PTPRD: variants seen among roughly 807,000 people sequenced by gnomAD.
The protein encoded by PTPRD is receptor-type tyrosine-protein phosphatase delta.
In PTPRD, 34 loss-of-function variants were observed where a neutral mutation model predicts 214.5. The ratio of observed to expected loss-of-function variants is 0.16; its 90% CI spans 0.12 to 0.21. PTPRD has a LOEUF of 0.21. Among genes scored for constraint, PTPRD ranks in the 10% least tolerant of loss-of-function variants. The pLI, the probability that PTPRD is intolerant of heterozygous loss-of-function variation, is 1.00. For synonymous variants in PTPRD, 1,128 were observed against 845.7 expected, an observed-to-expected ratio of 1.33 and a Z score of -5.79; for missense variants, 2,545 against 2,398.7, an observed-to-expected ratio of 1.06 and a Z score of -1.27.
Position 10,396,577 on chromosome 9 carries a change from A to G in PTPRD, c.-599-55560T>C, listed in dbSNP as rs538617255. Among the ~76,000 whole-genome samples, 60 of 152,162 alleles carry G rather than the reference A, an allele frequency of 3.9e-4. 2 individuals are homozygous for G. The highest frequency in any genetic ancestry group is 3.1e-3 in the Admixed American group (48 of 15,254). On this transcript the variant is annotated intron_variant, in intron 2 of 45. Transcript: ENST00000381196. ...TCTGCCAGATTCTGGGAAGAGAATT[A>G]GAGAGACAGTGTAACTGAAATCAAT...
At chr9:9,564,305 T>C (rs2083749848) in intron 8 of PTPRD, among the ~76,000 whole-genome samples, 1 of 152,102 alleles carries the variant, frequency 6.6e-6, no homozygotes, top group African/African-American at 2.4e-5. Flanking sequence ...GCCCAAGTTC[T>C]TGAAGTACTC....
At chr9:9,598,696 T>C (rs1000757591) in intron 7 of PTPRD, among the ~76,000 whole-genome samples, 1 of 152,102 alleles carries the variant, frequency 6.6e-6, no homozygotes, top group Non-Finnish European at 1.5e-5. Flanking sequence ...CAGTATTAAA[T>C]GTTTATTTCT....
At chr9:10,295,448 G>C (rs1032327371) in intron 3 of PTPRD, among the ~76,000 whole-genome samples, 2 of 152,018 alleles carry the variant, frequency 1.3e-5, no homozygotes, top group Non-Finnish European at 2.9e-5. Flanking sequence ...TCAAGTATTT[G>C]TGATAAGCCA....
intron 2 of PTPRD, among the ~76,000 whole-genome samples, chr9:10,439,950 G>T (rs112310303): frequency 0.016 from 2,391 of 151,230 alleles, 50 homozygotes; most frequent in African/African-American, 0.053. Context: ...GTGTTGTTAC[G>T]GTTTTGTAAT....
At chr9:10,457,480 T>G (rs574935700) in intron 2 of PTPRD, among the ~76,000 whole-genome samples, 1 of 152,170 alleles carries the variant, frequency 6.6e-6, no homozygotes, top group South Asian at 2.1e-4. Context: ...GTATTAGTAG[T>G]GTAGCATTCC....
At chr9:10,169,454 A>C (rs1233976728) in intron 3 of PTPRD, among the ~76,000 whole-genome samples, 1 of 143,058 alleles carries the variant, frequency 7.0e-6, no homozygotes, top group Non-Finnish European at 1.5e-5. Context: ...AGCCTGGGCG[A>C]AAGAGCGAGA....
At chr9:10,609,587 T>C (rs1207669535) in intron 2 of PTPRD, among the ~76,000 whole-genome samples, 2 of 152,084 alleles carry the variant, frequency 1.3e-5, no homozygotes, top group South Asian at 2.1e-4. Context: ...TCCAGCATTA[T>C]TAAAGAAAAA....
intron 3 of PTPRD, among the ~76,000 whole-genome samples, chr9:10,166,091 A>G (rs1042546000): frequency 2.0e-5 from 3 of 150,166 alleles, no homozygotes; most frequent in African/African-American, 7.3e-5. Flanking sequence ...AAATACATAA[A>G]CCTGTGTATT....
chr9:9,194,830 T>C (rs1483899775), intron 9 of PTPRD, among the ~76,000 whole-genome samples: 1 of 152,070 alleles, frequency 6.6e-6, no homozygotes, highest in Non-Finnish European at 1.5e-5. Flanking sequence ...AACAAAATGC[T>C]TCTCTGAGCA....
At chr9:10,432,714 A>T (rs1015668987) in intron 2 of PTPRD, among the ~76,000 whole-genome samples, 1 of 152,000 alleles carries the variant, frequency 6.6e-6, no homozygotes, top group African/African-American at 2.4e-5. Flanking sequence ...ACAACGTTAA[A>T]TGTTTTATAA....
chr9:8,567,645 C>CTAGA, intron 14 of PTPRD, among the ~76,000 whole-genome samples: 1 of 152,148 alleles, frequency 6.6e-6, no homozygotes, highest in South Asian at 2.1e-4. Context: ...ATCTCCTATT[C>CTAGA]TAGACTGTGT....
chr9:8,561,318 G>A (rs1236843941), intron 14 of PTPRD, among the ~76,000 whole-genome samples: 3 of 152,048 alleles, frequency 2.0e-5, no homozygotes, highest in Admixed American at 6.6e-5. Context: ...AAAACCACCC[G>A]ACTGAAGGGG....
At position 8,721,323 on chromosome 9, in the gene PTPRD, G is replaced by A. The variant is rs192001293; in HGVS notation, c.64+12457C>T. ...CACATGCCTGTAATCCTAGCTACTCGAGAGGCTGAGGCACAAGAATCGCTT... is the reference window on the plus strand; with the variant it reads ...CACATGCCTGTAATCCTAGCTACTCAAGAGGCTGAGGCACAAGAATCGCTT... On this transcript the variant is annotated intron_variant, in intron 12 of 45. Transcript: ENST00000381196. Among the ~76,000 whole-genome samples the A allele has an allele frequency of 4.8e-3, 722 of 150,822 alleles. 5 individuals are homozygous for A. Among genetic ancestry groups the A allele is most frequent in the Non-Finnish European group, 7.6e-3 (515 of 67,834 alleles).
At chr9:10,289,967 G>C (rs941557537) in intron 3 of PTPRD, among the ~76,000 whole-genome samples, 1 of 152,062 alleles carries the variant, frequency 6.6e-6, no homozygotes, top group South Asian at 2.1e-4. Flanking sequence ...ATATTCATTT[G>C]TTTCAGTGAA....
rs985060999 is a variant in PTPRD at position 8,656,929 on chromosome 9, A to C, written c.65-20085T>G. Among the ~76,000 whole-genome samples, 3 of 152,324 alleles carry C rather than the reference A, an allele frequency of 2.0e-5. No individual in the cohort carries two copies. In the South Asian group the frequency reaches 6.2e-4, roughly 32 times the overall value. On this transcript the variant is annotated intron_variant, in intron 12 of 45. Coordinates refer to ENST00000381196, the MANE Select transcript of PTPRD (RefSeq NM_002839.4). ...ACACCCTGAAATCACATAGCTTTAC[A>C]TCACAGAAATTATCACATTACCAAT...
At chr9:9,404,289 G>A (rs1569568037) in intron 8 of PTPRD, among the ~76,000 whole-genome samples, 2 of 152,088 alleles carry the variant, frequency 1.3e-5, no homozygotes, top group African/African-American at 4.8e-5. Context: ...GAAAGCCAAG[G>A]AAGGAGCAAA....
chr9:8,471,701 G>T (rs2096656887), intron 30 of PTPRD, among the ~76,000 whole-genome samples: 1 of 151,790 alleles, frequency 6.6e-6, no homozygotes, highest in African/African-American at 2.4e-5. Flanking sequence ...ACGACTTAAG[G>T]GCCTTCAAAA....
At chr9:10,017,120 A>G (rs1373915437) in intron 4 of PTPRD, among the ~76,000 whole-genome samples, 3 of 152,202 alleles carry the variant, frequency 2.0e-5, no homozygotes, top group Non-Finnish European at 4.4e-5. Flanking sequence ...AATCATACAC[A>G]TGTTTACTAA....
At chr9:9,452,236 C>T (rs1160081739) in intron 8 of PTPRD, among the ~76,000 whole-genome samples, 2 of 151,340 alleles carry the variant, frequency 1.3e-5, no homozygotes, top group African/African-American at 2.4e-5. Context: ...AAAATGGAAA[C>T]CAATTGACAA....
Sources: gnomAD v4.1 joint callset for allele counts (sites outside exome capture counted in the v4.1 genomes callset) on GRCh38, gnomAD v4.1.1 for gene constraint, MANE v1.5 for transcripts, NCBI Gene and HGNC (gene_info 2026-07-23, HGNC 2026-07-21) for gene names.